Variants in CDK5RAP2 observed in about 807,000 individuals in gnomAD.
CDK5RAP2 encodes CDK5 regulatory subunit associated protein 2.
A neutral mutation model predicts 232.9 loss-of-function variants in CDK5RAP2; 147 were observed. The ratio of observed to expected loss-of-function variants is 0.63; its 90% confidence interval spans 0.55 to 0.72. The LOEUF is 0.72. Among genes scored for constraint, CDK5RAP2 ranks in the 30% least tolerant of loss-of-function variants. The pLI is 0.00. For synonymous variants in CDK5RAP2, 833 were observed against 833.7 expected (o/e 1.00, Z 0.01); for missense variants, 2,195 against 2,231.5 (o/e 0.98, Z 0.33).
rs143829054 is a variant in CDK5RAP2, at chr9:120,457,434, T to G, written c.2375+1016A>C. Reference sequence around the variant, plus strand: ...ACCCTGATGTTTAGGAAATCCTCCATTTCTCAAGCACCAACTACTACGGTC... The same window carrying G: ...ACCCTGATGTTTAGGAAATCCTCCAGTTCTCAAGCACCAACTACTACGGTC... On this transcript the variant is annotated intron_variant, in intron 20 of 37. Coordinates refer to ENST00000349780, the MANE Select transcript of CDK5RAP2 (RefSeq NM_018249.6). Among the ~76,000 whole-genome samples the G allele has an allele frequency of 1.9e-3, 295 of 152,318 alleles. 3 individuals are homozygous for G. Among genetic ancestry groups the G allele is most frequent in the East Asian group, 0.017 (88 of 5,188 alleles).
At chr9:120,545,621 G>A in intron 5 of CDK5RAP2, 93 bp downstream of exon 5, 1 of 963,232 alleles carries the variant, frequency 1.0e-6, no homozygotes, top group Non-Finnish European at 1.7e-6. Context: ...AGTCCAGATG[G>A]AAACCAACTG....
chr9:120,574,511 A>G (rs1316603000), intron 1 of CDK5RAP2, among the ~76,000 whole-genome samples: 1 of 152,236 alleles, frequency 6.6e-6, no homozygotes, highest in East Asian at 1.9e-4. Flanking sequence ...AGCCAAGCCC[A>G]AAATCCAGGA....
intron 31 of CDK5RAP2, 45 bp from the exon 32 acceptor site, chr9:120,407,293 A>C (rs1401365367): frequency 6.9e-7 from 1 of 1,447,208 alleles, no homozygotes; most frequent in Non-Finnish European, 9.7e-7. Flanking sequence ...TCCACAACCA[A>C]AGGGTCAGCC....
At chr9:120,474,355 C>A (rs1040778799) in intron 15 of CDK5RAP2, among the ~76,000 whole-genome samples, 5 of 152,128 alleles carry the variant, frequency 3.3e-5, no homozygotes, top group African/African-American at 1.2e-4. Context: ...CGCCAGGGGA[C>A]ATTTGGCCAT....
intron 18 of CDK5RAP2, among the ~76,000 whole-genome samples, chr9:120,463,756 C>A (rs1564254554): frequency 6.6e-6 from 1 of 152,220 alleles, no homozygotes; most frequent in African/African-American, 2.4e-5. Context: ...AATTAACTTT[C>A]ATTTCTCTTT....
At chr9:120,529,689 A>C (rs1182269911) in intron 8 of CDK5RAP2, among the ~76,000 whole-genome samples, 1 of 152,212 alleles carries the variant, frequency 6.6e-6, no homozygotes, top group Non-Finnish European at 1.5e-5. Context: ...AACCCAAAGG[A>C]TGAAAATAAA....
intron 37 of CDK5RAP2, 90 bp downstream of exon 37, chr9:120,389,651 C>T: frequency 8.0e-7 from 1 of 1,254,158 alleles, no homozygotes; most frequent in Non-Finnish European, 1.2e-6. Context: ...CTGGTTCCAC[C>T]TGCACCTTCA....
At chr9:120,520,901 A>G (rs1484221067) in intron 11 of CDK5RAP2, among the ~76,000 whole-genome samples, 1 of 10,764 alleles carries the variant, frequency 9.3e-5, no homozygotes, top group Admixed American at 1.1e-3. Context: ...TGTATCTCAT[A>G]TATCATATAT....
chr9:120,491,540 G>C, intron 12 of CDK5RAP2, 63 bp from the exon 13 acceptor site: 2 of 1,161,636 alleles, frequency 1.7e-6, no homozygotes, highest in Non-Finnish European at 2.5e-6. Flanking sequence ...TTATGTGTTT[G>C]ACTTGCTAAA....
At chr9:120,420,431 AAG>A in intron 26 of CDK5RAP2, among the ~76,000 whole-genome samples, 1 of 152,154 alleles carries the variant, frequency 6.6e-6, no homozygotes, top group Admixed American at 6.5e-5. Context: ...GCCTGGCTCC[AAG>A]GCCCCAGGAG....
Position 120,407,040 on chromosome 9 carries a change from A to C in CDK5RAP2, c.4935T>G (p.Pro1645=). Residue 1645 remains proline, a synonymous_variant, in exon 32 of 38, where the codon CCT becomes CCG. Coordinates refer to ENST00000349780, the MANE Select transcript of CDK5RAP2 (RefSeq NM_018249.6). ...LTLAVQAVSI[P]EVPLQPDKHD... ...GTTTGTCAGGCTGAAGGGGCACCTC[A>C]GGGATGGACACGGCTTGGACAGCCA... 1 of 1,614,142 alleles carries C rather than the reference A, an allele frequency of 6.2e-7. No individual in the cohort carries two copies. The highest frequency in any genetic ancestry group is 8.5e-7 in the Non-Finnish European group (1 of 1,179,968).
intron 14 of CDK5RAP2, among the ~76,000 whole-genome samples, chr9:120,482,389 C>T (rs915272736): frequency 6.6e-6 from 1 of 152,180 alleles, no homozygotes; most frequent in African/African-American, 2.4e-5. Flanking sequence ...GGCCACCATT[C>T]TCCTCAGCTC....
At chr9:120,441,911 T>C (rs2035921440) in intron 23 of CDK5RAP2, among the ~76,000 whole-genome samples, 2 of 152,340 alleles carry the variant, frequency 1.3e-5, no homozygotes, top group South Asian at 4.1e-4. Context: ...GAGAATGTAC[T>C]CACCAAGTAT....
intron 1 of CDK5RAP2, 51 bp from the exon 2 acceptor site, chr9:120,572,092 G>A (rs772728944): frequency 7.4e-7 from 1 of 1,353,968 alleles, no homozygotes; most frequent in South Asian, 1.2e-5. Flanking sequence ...GAACAACAGA[G>A]ACTGTTAAGA....
In CDK5RAP2 at chr9:120,578,000, T is replaced by C. The variant is rs2043099216; in HGVS notation, c.59+1920A>G. Among the ~76,000 whole-genome samples, 9 of 152,356 alleles carry C rather than the reference T, an allele frequency of 5.9e-5. 1 individual carries two copies. In the South Asian group the frequency reaches 1.9e-3, roughly 32 times the overall value. On this transcript the variant is annotated intron_variant, in intron 1 of 37. Coordinates refer to ENST00000349780, the MANE Select transcript of CDK5RAP2 (RefSeq NM_018249.6). ...AAAATAGTTCTCACGCCGGGCGCGG[T>C]GGCTCACGCCTGTAATCCCAGAACT...
At chr9:120,565,124 T>G (rs111802326) in intron 3 of CDK5RAP2, among the ~76,000 whole-genome samples, 2 of 152,326 alleles carry the variant, frequency 1.3e-5, no homozygotes, top group African/African-American at 4.8e-5. Flanking sequence ...AACAGTCAAA[T>G]GAAATAGAAA....
Position 120,439,881 on chromosome 9 carries a change from A to G in CDK5RAP2, c.3240T>C (p.Thr1080=). The G allele has an allele frequency of 6.2e-7, 1 of 1,614,144 alleles. No individual in the cohort carries two copies. The highest frequency in any genetic ancestry group is 8.5e-7 in the Non-Finnish European group (1 of 1,179,968). ...AAGGCTGACTCTTGGAACTCAGGTAAGTAGCTACTGAAGTTGGGCTCAGAA... is the reference window on the plus strand; with the variant it reads ...AAGGCTGACTCTTGGAACTCAGGTAGGTAGCTACTGAAGTTGGGCTCAGAA... The part of the protein sequence containing the change: ...EDVLSPTSVA[T]YLSSKSQPSA... The change falls in exon 24 of 38, where the codon ACT becomes ACC. Residue 1080 remains threonine, a synonymous_variant. Transcript: ENST00000349780.
At position 120,403,129 on chromosome 9, in the gene CDK5RAP2, C is replaced by T. The variant is rs369694365; in HGVS notation, c.5042-58G>A. 1.1e-4 allele frequency: 179 copies of T among 1,578,818 alleles called. No individual in the cohort carries two copies. The Middle Eastern group carries it at 1.6e-3, about 14-fold the overall frequency. On this transcript the variant is annotated intron_variant, in intron 33 of 37. Coordinates refer to ENST00000349780, the MANE Select transcript of CDK5RAP2 (RefSeq NM_018249.6). The surrounding 1 kb of genome is among the most constrained non-coding windows in gnomAD (Gnocchi z 4.2). ...TTCAGGTAACACTCTGCGTTCAAGA[C>T]GCTTATGATGTTGAAGCTAGCTAGG...
At chr9:120,510,830 G>A (rs533607214) in intron 12 of CDK5RAP2, among the ~76,000 whole-genome samples, 85 of 152,330 alleles carry the variant, frequency 5.6e-4, no homozygotes, top group African/African-American at 1.9e-3. Context: ...CTACAATACA[G>A]GGGACCTATC....
Sources: allele counts gnomAD v4.1 joint callset (sites outside exome capture counted in the v4.1 genomes callset), GRCh38; gene constraint gnomAD v4.1.1; non-coding constraint Gnocchi (gnomAD v3.1); transcripts MANE v1.5; gene names NCBI Gene and HGNC (gene_info 2026-07-23, HGNC 2026-07-21).